Variants in IGF2R observed in about 807,000 individuals in gnomAD.
The protein encoded by IGF2R is cation-independent mannose-6-phosphate receptor.
In IGF2R, 91 loss-of-function variants were observed where a neutral mutation model predicts 270.6. The ratio of observed to expected loss-of-function variants is 0.34; its 90% CI spans 0.28 to 0.40. The LOEUF is 0.40. IGF2R is among the 10% of genes least tolerant of loss of function. The pLI, the probability that IGF2R is intolerant of heterozygous loss-of-function variation, is 1.00. For synonymous variants in IGF2R, 1,316 were observed against 1,258.9 expected (o/e 1.05, Z -0.96); for missense variants, 2,805 against 3,188.3 (o/e 0.88, Z 2.90).
At chr6:160,068,923 A>G (rs1281128845) in intron 30 of IGF2R, among the ~76,000 whole-genome samples, 1 of 152,188 alleles carries the variant, frequency 6.6e-6, no homozygotes, top group East Asian at 1.9e-4. Flanking sequence ...AGTATGGCCC[A>G]GGGTAAATCA....
intron 10 of IGF2R, among the ~76,000 whole-genome samples, chr6:160,037,122 T>C (rs190862651): frequency 1.3e-3 from 194 of 152,322 alleles, no homozygotes; most frequent in African/African-American, 4.5e-3. Flanking sequence ...AGAACGAACA[T>C]TCCTTTATGT....
chr6:160,042,439 C>T (rs1272486306), intron 11 of IGF2R, among the ~76,000 whole-genome samples: 1 of 151,262 alleles, frequency 6.6e-6, no homozygotes, highest in African/African-American at 2.5e-5. Context: ...TTACCTCCTC[C>T]TTGACACACT....
intron 19 of IGF2R, among the ~76,000 whole-genome samples, chr6:160,053,343 A>G (rs937090765): frequency 3.3e-5 from 5 of 152,206 alleles, no homozygotes; most frequent in Admixed American, 2.6e-4. Flanking sequence ...CAGCAAACCA[A>G]CATGGCACAT....
At chr6:160,037,805 G>A (rs1192122290) in intron 10 of IGF2R, among the ~76,000 whole-genome samples, 3 of 152,110 alleles carry the variant, frequency 2.0e-5, no homozygotes, top group Non-Finnish European at 4.4e-5. Flanking sequence ...TCGGGGGTGC[G>A]GGCTCTGCTC....
chr6:160,034,519 G>T lies in IGF2R; in HGVS notation c.1312G>T (p.Ala438Ser), dbSNP rs201596703. The T allele has an allele frequency of 1.9e-6, 3 of 1,599,840 alleles. No homozygotes were observed. The highest frequency in any genetic ancestry group is 2.6e-6 in the Non-Finnish European group (3 of 1,167,250). The change falls in exon 10 of 48, where the codon GCA (alanine) becomes TCA (serine). Residue 438 changes from alanine (A) to serine (S), a missense_variant. This residue lies in a region of IGF2R where 954 missense variants were observed against 981.1 expected (regional missense o/e 0.97). Coordinates refer to ENST00000356956, the MANE Select transcript of IGF2R (RefSeq NM_000876.4). ...SVINFECNKT[A>S]GNDGKGTPVF... ...CATAAACTTTGAGTGCAATAAAACCGCAGGTAAGTGTGCGCTGGAGTTCAG... is the reference window on the plus strand; with the variant it reads ...CATAAACTTTGAGTGCAATAAAACCTCAGGTAAGTGTGCGCTGGAGTTCAG...
chr6:159,974,282 G>T (rs1468378646), intron 1 of IGF2R, among the ~76,000 whole-genome samples: 2 of 152,162 alleles, frequency 1.3e-5, no homozygotes, highest in African/African-American at 4.8e-5. Flanking sequence ...TGGAATCCTG[G>T]ATGATGTTCA....
intron 15 of IGF2R, 134 bp downstream of exon 15, chr6:160,046,779 A>C: frequency 2.1e-6 from 2 of 971,924 alleles, no homozygotes; most frequent in Non-Finnish European, 3.0e-6. Flanking sequence ...ACCTGGTCTG[A>C]AAACTGAAGG....
intron 15 of IGF2R, 27 bp downstream of exon 15, chr6:160,046,672 T>C (rs754394635): frequency 3.7e-6 from 6 of 1,604,080 alleles, no homozygotes; most frequent in Non-Finnish European, 5.1e-6. Flanking sequence ...TTCTGTTTCA[T>C]TCTTAGGCAT....
At position 160,051,155 on chromosome 6, in the gene IGF2R, CA is replaced by C. The variant is rs531859462; in HGVS notation, c.2694+504del. On this transcript the variant is annotated intron_variant, in intron 19 of 47. Coordinates refer to ENST00000356956, the MANE Select transcript of IGF2R (RefSeq NM_000876.4). Reference sequence around the variant, plus strand: ...AAGATGACCCAGTAGCCTAATGCAACACAGAAGGTTATGTACCCTATTTCAC... The same window carrying C: ...AAGATGACCCAGTAGCCTAATGCAACCAGAAGGTTATGTACCCTATTTCAC... 3.3e-5 allele frequency among the ~76,000 whole-genome samples: 5 copies of C among 152,148 alleles called. No individual in the cohort carries two copies. In the South Asian group the frequency reaches 1.0e-3, roughly 32 times the overall value.
rs1778522436 is a variant in IGF2R, at chr6:160,064,631, C to T, written c.4017+100C>T. The T allele has an allele frequency of 3.0e-6, 4 of 1,351,496 alleles. No individual in the cohort carries two copies. In the Admixed American group the frequency reaches 5.9e-5, roughly 20 times the overall value. 83.7% of individuals were successfully genotyped at this position (1,351,496 alleles called of 1,614,324 possible). On this transcript the variant is annotated intron_variant, in intron 28 of 47. Coordinates refer to ENST00000356956, the MANE Select transcript of IGF2R (RefSeq NM_000876.4). Reference sequence around the variant, plus strand: ...CTGTCCTCAGATCTCATCAAATCTCCTGGTTAACTGAGTTTAAAATAACCA... The same window carrying T: ...CTGTCCTCAGATCTCATCAAATCTCTTGGTTAACTGAGTTTAAAATAACCA...
At position 160,106,321 on chromosome 6, in the gene IGF2R, T is replaced by C. The variant is rs1042253310; in HGVS notation, c.*1237T>C. 2 of 152,578 alleles carry C rather than the reference T, an allele frequency of 1.3e-5. No individual in the cohort carries two copies. Among genetic ancestry groups the C allele is most frequent in the African/African-American group, 4.8e-5 (2 of 41,406 alleles). 9.5% of individuals were successfully genotyped at this position (152,578 alleles called of 1,614,324 possible). A position where few individuals can be genotyped will look rare whatever the true frequency, so the allele number is the denominator to read the frequency against. Reference sequence around the variant, plus strand: ...TCTGGCGGCAGCGCCTTTCCTGCCATGTTTAGTGAATGACTTTTCTCGCAT... The same window carrying C: ...TCTGGCGGCAGCGCCTTTCCTGCCACGTTTAGTGAATGACTTTTCTCGCAT... On this transcript the variant is annotated 3_prime_UTR_variant, in exon 48 of 48. Coordinates refer to ENST00000356956, the MANE Select transcript of IGF2R (RefSeq NM_000876.4).
At chr6:160,037,767 G>A (rs1435508387) in intron 10 of IGF2R, among the ~76,000 whole-genome samples, 5 of 152,074 alleles carry the variant, frequency 3.3e-5, no homozygotes, top group Non-Finnish European at 7.4e-5. Context: ...TCTTAGTTCA[G>A]TGCTAGTCTT....
intron 1 of IGF2R, among the ~76,000 whole-genome samples, chr6:159,980,218 A>AG (rs1554234651): frequency 2.7e-5 from 3 of 112,154 alleles, no homozygotes; most frequent in African/African-American, 7.1e-5. Context: ...AAAGAAAGAA[A>AG]GAAAGAAAGA....
At chr6:160,041,904 CCGCA>C in intron 11 of IGF2R, among the ~76,000 whole-genome samples, 1 of 152,252 alleles carries the variant, frequency 6.6e-6, no homozygotes, top group South Asian at 2.1e-4. Context: ...ACTGGTGTTG[CCGCA>C]TCCAACCACA....
At chr6:160,015,417 G>A (rs971449913) in intron 4 of IGF2R, among the ~76,000 whole-genome samples, 2 of 152,082 alleles carry the variant, frequency 1.3e-5, no homozygotes, top group African/African-American at 2.4e-5. Flanking sequence ...TACTCTGGGG[G>A]GGATTCCTTT....
At chr6:159,981,721 C>T in intron 1 of IGF2R, among the ~76,000 whole-genome samples, 1 of 152,198 alleles carries the variant, frequency 6.6e-6, no homozygotes, top group Non-Finnish European at 1.5e-5. Context: ...CTGGCCCAGG[C>T]CCTTCATGGC....
At position 159,969,167 on chromosome 6, in the gene IGF2R, C is replaced by T. The variant is rs1783565952; in HGVS notation, c.-80C>T. The T allele has an allele frequency of 3.5e-6, 3 of 856,514 alleles. No individual in the cohort carries two copies. Among genetic ancestry groups the T allele is most frequent in the Non-Finnish European group, 2.8e-6 (2 of 713,760 alleles). 53.1% of individuals were successfully genotyped at this position (856,514 alleles called of 1,614,324 possible). ...TCCACCTCCGCCTTTGCCCTGGCGG[C>T]GCGACCCCGTCCCGGGCGCGGCCCC... On this transcript the variant is annotated 5_prime_UTR_variant, in exon 1 of 48. Coordinates refer to ENST00000356956, the MANE Select transcript of IGF2R (RefSeq NM_000876.4).
At chr6:160,048,596 G>T (rs997684864) in intron 18 of IGF2R, 53 bp downstream of exon 18, 9 of 1,551,502 alleles carry the variant, frequency 5.8e-6, no homozygotes, top group Non-Finnish European at 7.9e-6. Context: ...CCATGACTTA[G>T]TGGGAGGAGG....
At chr6:160,065,626 C>T (rs1002611388) in intron 29 of IGF2R, among the ~76,000 whole-genome samples, 4 of 151,808 alleles carry the variant, frequency 2.6e-5, no homozygotes, top group Admixed American at 1.3e-4. Context: ...TTTCTCATTT[C>T]TACTGGATGG....
Sources: allele counts gnomAD v4.1 joint callset (sites outside exome capture counted in the v4.1 genomes callset), GRCh38; gene constraint gnomAD v4.1.1; regional missense constraint gnomAD v4.1.1; transcripts MANE v1.5; gene names NCBI Gene and HGNC (gene_info 2026-07-23, HGNC 2026-07-21).